The following XRCC4 variants were observed in gnomAD, a reference collection of about 807,000 sequenced individuals.
XRCC4 encodes the protein X-ray repair cross complementing 4.
In XRCC4, 28 loss-of-function variants were observed where a neutral mutation model predicts 39.1. The observed-to-expected ratio is 0.72, with a 90% CI of 0.53 to 0.98. XRCC4 has a LOEUF of 0.98. XRCC4 is among the 50% of genes least tolerant of loss of function. The probability of loss-of-function intolerance (pLI) is 0.00; values close to 1 mark genes in which losing one functional copy is unlikely to be tolerated. For missense variants in XRCC4, 350 were observed against 376.4 expected (o/e 0.93, Z 0.58); for synonymous variants, 123 against 126.4 (o/e 0.97, Z 0.18).
At chr5:83,265,006 A>G (rs1194645307) in intron 7 of XRCC4, among the ~76,000 whole-genome samples, 1 of 152,148 alleles carries the variant, frequency 6.6e-6, no homozygotes, top group Non-Finnish European at 1.5e-5. Flanking sequence ...TTTTAGAAAT[A>G]CATATATAGA....
rs1446424890 is a variant in XRCC4, at chr5:83,204,488, T to C, written c.639-327T>C. On this transcript the variant is annotated intron_variant, in intron 5 of 7. Transcript: ENST00000396027. ...GAAATGCGAACTGTTCTGAGATTAG[T>C]AAAATGTTAAATACTCTGTGACTCA... Among the ~76,000 whole-genome samples, 3 of 152,098 alleles carry C rather than the reference T, an allele frequency of 2.0e-5. No individual in the cohort carries two copies. In the South Asian group the frequency reaches 6.2e-4, roughly 31 times the overall value.
At chr5:83,210,018 G>GAAGTAA (rs921961716) in intron 6 of XRCC4, among the ~76,000 whole-genome samples, 16 of 152,268 alleles carry the variant, frequency 1.1e-4, no homozygotes, top group Admixed American at 6.5e-5. Context: ...TTCCTGAAAG[G>GAAGTAA]AAGTGTGATT....
rs186329890 is a variant in XRCC4 at position 83,126,976 on chromosome 5, C to T, written c.315+15773C>T. On this transcript the variant is annotated intron_variant, in intron 3 of 7. Transcript: ENST00000396027. ...TTTTGGAATAGAAATACCTGTCTTACGCCTGCATTGTGTTTTAGAGCGACA... is the reference window on the plus strand; with the variant it reads ...TTTTGGAATAGAAATACCTGTCTTATGCCTGCATTGTGTTTTAGAGCGACA... Among the ~76,000 whole-genome samples, 135 of 152,252 alleles carry T rather than the reference C, an allele frequency of 8.9e-4. No individual in the cohort carries two copies. The Middle Eastern group carries it at 0.01, about 12-fold the overall frequency.
At chr5:83,203,465 C>A in intron 4 of XRCC4, 87 bp from the exon 5 acceptor site, 2 of 1,166,414 alleles carry the variant, frequency 1.7e-6, no homozygotes, top group South Asian at 2.0e-5. Flanking sequence ...TTGTATTTTC[C>A]TTGAAATCTT....
intron 5 of XRCC4, 46 bp from the exon 6 acceptor site, chr5:83,204,769 A>T: frequency 6.9e-7 from 1 of 1,450,506 alleles, no homozygotes; most frequent in Non-Finnish European, 9.6e-7. Flanking sequence ...GCTGCCTAGC[A>T]GGGGGTGAGC....
intron 3 of XRCC4, among the ~76,000 whole-genome samples, chr5:83,192,726 T>G (rs1289575904): frequency 6.6e-6 from 1 of 152,202 alleles, no homozygotes; most frequent in Non-Finnish European, 1.5e-5. Flanking sequence ...AAGATCTGTG[T>G]ACTCTTAATT....
chr5:83,093,714 G>T (rs1475981170), intron 1 of XRCC4, among the ~76,000 whole-genome samples: 1 of 151,972 alleles, frequency 6.6e-6, no homozygotes, highest in Non-Finnish European at 1.5e-5. Flanking sequence ...ACAACCAATA[G>T]GTCAATTGAG....
At chr5:83,142,949 T>C (rs769281681) in intron 3 of XRCC4, among the ~76,000 whole-genome samples, 3 of 152,160 alleles carry the variant, frequency 2.0e-5, no homozygotes, top group Non-Finnish European at 4.4e-5. Context: ...CTTAATGGGG[T>C]TGCTTGCCAA....
rs28360081 is a variant in XRCC4, at chr5:83,149,683, T to G, written c.315+38480T>G. Among the ~76,000 whole-genome samples, 350 of 152,304 alleles carry G rather than the reference T, an allele frequency of 2.3e-3. 16 individuals carry two copies. The East Asian group carries it at 0.058, about 25-fold the overall frequency. On this transcript the variant is annotated intron_variant, in intron 3 of 7. Transcript: ENST00000396027. The stretch of plus-strand genomic sequence containing the variant: ...ACACTGATTTATAAATGTACCAATA[T>G]GCTAACCTGCTAAGCTGCTATCTGG...
At chr5:83,130,121 C>A (rs1471122362) in intron 3 of XRCC4, among the ~76,000 whole-genome samples, 1 of 151,968 alleles carries the variant, frequency 6.6e-6, no homozygotes, top group Non-Finnish European at 1.5e-5. Flanking sequence ...GAATAGCTCT[C>A]ATTATTTTGA....
chr5:83,204,699 G>A (rs1751348088), intron 5 of XRCC4, 116 bp from the exon 6 acceptor site: 1 of 626,780 alleles, frequency 1.6e-6, no homozygotes. Context: ...TTTTCAATAT[G>A]TTTGTCTAAT....
chr5:83,196,060 G>A (rs1405400305), intron 4 of XRCC4, 124 bp downstream of exon 4: 2 of 999,666 alleles, frequency 2.0e-6, no homozygotes, highest in African/African-American at 1.6e-5. Flanking sequence ...TACCTTAACT[G>A]AATATGATTA....
At chr5:83,260,033 C>T (rs1225220999) in intron 7 of XRCC4, among the ~76,000 whole-genome samples, 1 of 152,054 alleles carries the variant, frequency 6.6e-6, no homozygotes, top group Non-Finnish European at 1.5e-5. Context: ...GCCTGATCTA[C>T]ATATACTTAA....
intron 3 of XRCC4, among the ~76,000 whole-genome samples, chr5:83,182,581 T>G (rs1369443051): frequency 6.6e-6 from 1 of 152,186 alleles, no homozygotes; most frequent in Non-Finnish European, 1.5e-5. Context: ...TGTACTGAAT[T>G]CCAATATTTT....
chr5:83,344,128 T>TCACACACACACACA (rs10642662), intron 7 of XRCC4, among the ~76,000 whole-genome samples: 13 of 134,754 alleles, frequency 9.6e-5, no homozygotes, highest in African/African-American at 2.9e-4. Context: ...CTGACACAGA[T>TCACACACACACACA]CTCACACACA....
chr5:83,177,754 G>T (rs1042875280), intron 3 of XRCC4, among the ~76,000 whole-genome samples: 3 of 152,188 alleles, frequency 2.0e-5, no homozygotes, highest in Non-Finnish European at 4.4e-5. Context: ...AGTGGATCAT[G>T]GGCTTTGAAA....
intron 6 of XRCC4, among the ~76,000 whole-genome samples, chr5:83,225,822 C>T (rs1752266289): frequency 6.6e-6 from 1 of 151,642 alleles, no homozygotes; most frequent in Non-Finnish European, 1.5e-5. Flanking sequence ...GCTGCATGTT[C>T]CTGCCCCATT....
chr5:83,083,482 T>G (rs1165516905), intron 1 of XRCC4, among the ~76,000 whole-genome samples: 2 of 150,878 alleles, frequency 1.3e-5, no homozygotes, highest in Non-Finnish European at 1.5e-5. Flanking sequence ...GTTCCAGCAA[T>G]TCTCTCTTCT....
chr5:83,094,049 T>A (rs1338394529), intron 1 of XRCC4, among the ~76,000 whole-genome samples: 4 of 152,168 alleles, frequency 2.6e-5, no homozygotes, highest in African/African-American at 9.6e-5. Flanking sequence ...TTTCTTTCTC[T>A]TTAATTTTTG....
Sources: allele counts gnomAD v4.1 joint callset (sites outside exome capture counted in the v4.1 genomes callset), GRCh38; gene constraint gnomAD v4.1.1; transcripts MANE v1.5; gene names NCBI Gene and HGNC (gene_info 2026-07-23, HGNC 2026-07-21).